Variants in ACOT7 observed in about 807,000 individuals in gnomAD.
The protein encoded by ACOT7 is acyl-CoA thioesterase 7, also known as cytosolic acyl coenzyme A thioester hydrolase.
ACOT7 carries 12 observed loss-of-function variants against 40.2 expected under a neutral mutation model. The observed-to-expected ratio is 0.30, with a 90% CI of 0.19 to 0.48. ACOT7 has a LOEUF of 0.48. ACOT7 is among the 20% of genes least tolerant of loss of function. The probability of loss-of-function intolerance (pLI) is 0.99; values close to 1 mark genes in which losing one functional copy is unlikely to be tolerated. For synonymous variants in ACOT7, 228 were observed against 219.5 expected (o/e 1.04, Z -0.34); for missense variants, 395 against 530.8 (o/e 0.74, Z 2.51).
rs542593317 is a variant in ACOT7 at position 6,264,527 on chromosome 1, A to C, written c.*70T>G. The C allele has an allele frequency of 6.2e-6, 9 of 1,457,688 alleles. No homozygotes were observed. The highest frequency in any genetic ancestry group is 2.8e-5 in the African/African-American group (2 of 70,884). 90.3% of individuals were successfully genotyped at this position (1,457,688 alleles called of 1,614,324 possible). A position where few individuals can be genotyped will look rare whatever the true frequency, so the allele number is the denominator to read the frequency against. ...AATTGGGTTTTTGGCCAAGGGGGGA[A>C]CTTCTAAGTGACTGGACACTGGGCC... On this transcript the variant is annotated 3_prime_UTR_variant, in exon 9 of 9. Coordinates refer to ENST00000361521, the MANE Select transcript of ACOT7 (RefSeq NM_007274.4).
chr1:6,266,747 C>CGA (rs1254790730), intron 8 of ACOT7, among the ~76,000 whole-genome samples: 1 of 152,256 alleles, frequency 6.6e-6, no homozygotes, highest in East Asian at 1.9e-4. Context: ...GCGGCAAGGC[C>CGA]GAGGCTCAGC....
Position 6,358,786 on chromosome 1 carries a change from G to T in ACOT7, c.144-8920C>A. ...TGTCCCTAAACAATCCACCCACAGT[G>T]GCCCCTGCACGGCCTAGACATGCCC... On this transcript the variant is annotated intron_variant, in intron 1 of 8. Transcript: ENST00000361521. The surrounding 1 kb of genome is among the most constrained non-coding windows in gnomAD (Gnocchi z 4.1). The T allele has an allele frequency of 6.3e-7, 1 of 1,592,396 alleles. No homozygotes were observed. The highest frequency in any genetic ancestry group is 8.6e-7 in the Non-Finnish European group (1 of 1,160,438).
At chr1:6,303,390 T>C (rs1460232703) in intron 6 of ACOT7, among the ~76,000 whole-genome samples, 1 of 152,224 alleles carries the variant, frequency 6.6e-6, no homozygotes, top group Non-Finnish European at 1.5e-5. Context: ...GTATTTTTAA[T>C]TGTAACATTT....
chr1:6,323,743 T>TATAC (rs1553158677), intron 5 of ACOT7, among the ~76,000 whole-genome samples: 2 of 86,718 alleles, frequency 2.3e-5, no homozygotes, highest in Non-Finnish European at 4.2e-5. Flanking sequence ...AAAAAATATA[T>TATAC]ATATATATAT....
intron 2 of ACOT7, among the ~76,000 whole-genome samples, chr1:6,344,620 C>T (rs1641366385): frequency 6.6e-6 from 1 of 151,852 alleles, no homozygotes; most frequent in Non-Finnish European, 1.5e-5. Flanking sequence ...AAAAACTAGC[C>T]GGGTGTGGTG....
chr1:6,291,501 G>GA (rs1161354914), intron 7 of ACOT7, among the ~76,000 whole-genome samples: 2 of 152,182 alleles, frequency 1.3e-5, no homozygotes, highest in Non-Finnish European at 2.9e-5. Context: ...AACTGGGGGC[G>GA]AACAGATGTC....
chr1:6,382,288 C>T (rs1642353866), intron 1 of ACOT7, among the ~76,000 whole-genome samples: 1 of 151,838 alleles, frequency 6.6e-6, no homozygotes, highest in Middle Eastern at 3.4e-3. Flanking sequence ...CCTGTAGTCC[C>T]AGCTACGCGG....
Position 6,275,098 on chromosome 1 carries a change from G to T in ACOT7, c.1014+6004C>A, listed in dbSNP as rs759516618. Among the ~76,000 whole-genome samples the T allele has an allele frequency of 6.6e-6, 1 of 152,206 alleles. No individual in the cohort carries two copies. Among genetic ancestry groups the T allele is most frequent in the Non-Finnish European group, 1.5e-5 (1 of 68,028 alleles). On this transcript the variant is annotated intron_variant, in intron 8 of 8. Transcript: ENST00000361521. This position sits in a 1 kb window ranked among gnomAD's most constrained non-coding sequence, Gnocchi z 5.6. ...CATCTGTGAGCAGACACACCAGCTC[G>T]CAGAGGGGTTGGCGTTCCCTGAAGC...
intron 1 of ACOT7, among the ~76,000 whole-genome samples, chr1:6,364,690 A>C (rs1184951183): frequency 1.3e-5 from 2 of 150,396 alleles, no homozygotes; most frequent in Non-Finnish European, 3.0e-5. Context: ...CCTACTAAAA[A>C]TACAAAAATT....
chr1:6,356,127 C>G (rs1641737216), intron 1 of ACOT7, among the ~76,000 whole-genome samples: 1 of 152,172 alleles, frequency 6.6e-6, no homozygotes, highest in Non-Finnish European at 1.5e-5. Flanking sequence ...GGGCCCTAAC[C>G]CAATGACTGG....
At chr1:6,276,029 C>T (rs1639178321) in intron 8 of ACOT7, among the ~76,000 whole-genome samples, 1 of 152,236 alleles carries the variant, frequency 6.6e-6, no homozygotes, top group Non-Finnish European at 1.5e-5. Flanking sequence ...TCAGCCCTGA[C>T]AGCCATGGAA....
intron 1 of ACOT7, among the ~76,000 whole-genome samples, chr1:6,363,395 C>T (rs1175240301): frequency 6.6e-6 from 1 of 152,152 alleles, no homozygotes; most frequent in Non-Finnish European, 1.5e-5. Context: ...AAGACTACTC[C>T]TCCACCTCTT....
intron 7 of ACOT7, among the ~76,000 whole-genome samples, chr1:6,283,378 T>C (rs1007709039): frequency 2.0e-5 from 3 of 152,166 alleles, no homozygotes; most frequent in African/African-American, 7.2e-5. Flanking sequence ...ACCAGGCTGG[T>C]CTAGAACTCC....
intron 1 of ACOT7, among the ~76,000 whole-genome samples, chr1:6,383,333 G>A (rs759917173): frequency 2.1e-4 from 32 of 150,180 alleles, no homozygotes; most frequent in Non-Finnish European, 3.3e-4. Context: ...GACTACAGGC[G>A]CCCACCATGA....
At chr1:6,284,868 C>T (rs1006521453) in intron 7 of ACOT7, among the ~76,000 whole-genome samples, 9 of 152,162 alleles carry the variant, frequency 5.9e-5, no homozygotes. Context: ...CCCGTGGTCT[C>T]TCCCTAGAAA....
chr1:6,378,942 C>T (rs1642285656), intron 1 of ACOT7, among the ~76,000 whole-genome samples: 1 of 151,754 alleles, frequency 6.6e-6, no homozygotes, highest in South Asian at 2.1e-4. Flanking sequence ...GTTGCCCAGG[C>T]TGGAGTGCAG....
intron 7 of ACOT7, among the ~76,000 whole-genome samples, chr1:6,285,483 GCA>G (rs1639476644): frequency 6.6e-6 from 1 of 152,256 alleles, no homozygotes; most frequent in African/African-American, 2.4e-5. Flanking sequence ...CCACGGGGCA[GCA>G]CAGACTGATT....
At chr1:6,342,746 C>T (rs747669852) in intron 2 of ACOT7, among the ~76,000 whole-genome samples, 11 of 152,226 alleles carry the variant, frequency 7.2e-5, no homozygotes, top group Non-Finnish European at 1.5e-4. Context: ...CTGTGATGGG[C>T]ACCCTTTCAC....
At chr1:6,365,623 C>T (rs1177641654) in intron 1 of ACOT7, among the ~76,000 whole-genome samples, 1 of 151,718 alleles carries the variant, frequency 6.6e-6, no homozygotes, top group African/African-American at 2.4e-5. Context: ...AAAAAATTAG[C>T]CCGGCATGGT....
Sources: allele counts gnomAD v4.1 joint callset (sites outside exome capture counted in the v4.1 genomes callset), GRCh38; gene constraint gnomAD v4.1.1; non-coding constraint Gnocchi (gnomAD v3.1); transcripts MANE v1.5; gene names NCBI Gene and HGNC (gene_info 2026-07-23, HGNC 2026-07-21).